Variants in PPP2R3A observed in about 807,000 individuals in gnomAD.
The protein encoded by PPP2R3A is protein phosphatase 2 regulatory subunit B''alpha.
PPP2R3A carries 80 observed loss-of-function variants against 106.9 expected under a neutral mutation model. The ratio of observed to expected loss-of-function variants is 0.75; its 90% CI spans 0.62 to 0.90. The LOEUF (loss-of-function observed/expected upper bound fraction) is 0.90. Among genes scored for constraint, PPP2R3A ranks in the 40% least tolerant of loss-of-function variants. The pLI, the probability that PPP2R3A is intolerant of heterozygous loss-of-function variation, is 0.00. For synonymous variants in PPP2R3A, 483 were observed against 468.3 expected, an observed-to-expected ratio of 1.03 and a Z score of -0.41; for missense variants, 1,386 against 1,350.4, an observed-to-expected ratio of 1.03 and a Z score of -0.41.
At chr3:135,968,083 A>G (rs887233641) in intron 1 of PPP2R3A, among the ~76,000 whole-genome samples, 1 of 152,176 alleles carries the variant, frequency 6.6e-6, no homozygotes, top group African/African-American at 2.4e-5. Flanking sequence ...CATTGTCCTC[A>G]TTTGCTTAGG....
Position 136,102,058 on chromosome 3 carries a change from C to A in PPP2R3A, c.2979C>A (p.Ser993=), listed in dbSNP as rs1937375073. The A allele has an allele frequency of 6.2e-7, 1 of 1,613,848 alleles. No individual in the cohort carries two copies. The highest frequency in any genetic ancestry group is 8.5e-7 in the Non-Finnish European group (1 of 1,179,958). The change falls in exon 11 of 14, where the codon TCC becomes TCA. Residue 993 remains serine, a synonymous_variant. Coordinates refer to ENST00000264977, the MANE Select transcript of PPP2R3A (RefSeq NM_002718.5). ...CMDVDGDGVL[S]MYELEYFYEE... Reference sequence around the variant, plus strand: ...ATGTGGATGGAGACGGTGTACTCTCCATGTATGAGCTGGAGTACTTCTATG... The same window carrying A: ...ATGTGGATGGAGACGGTGTACTCTCAATGTATGAGCTGGAGTACTTCTATG...
intron 10 of PPP2R3A, among the ~76,000 whole-genome samples, chr3:136,097,245 G>A (rs1218276963): frequency 2.0e-5 from 3 of 151,732 alleles, no homozygotes; most frequent in South Asian, 2.1e-4. Context: ...AGAGTATCCA[G>A]TACTTTCAAT....
In PPP2R3A at chr3:136,014,637, G is replaced by T. The variant is rs530380667; in HGVS notation, c.1995+11144G>T. 2.0e-5 allele frequency among the ~76,000 whole-genome samples: 3 copies of T among 152,168 alleles called. No homozygotes were observed. In the South Asian group the frequency reaches 6.2e-4, roughly 32 times the overall value. On this transcript the variant is annotated intron_variant, in intron 2 of 13. Coordinates refer to ENST00000264977, the MANE Select transcript of PPP2R3A (RefSeq NM_002718.5). ...TGATTTGATTCTCAGCTTGGTCTCA[G>T]TTGGTGTATAGCAGTGCTACTGATT...
intron 5 of PPP2R3A, among the ~76,000 whole-genome samples, chr3:136,062,440 G>A (rs916250224): frequency 3.9e-5 from 6 of 152,048 alleles, no homozygotes; most frequent in Non-Finnish European, 7.4e-5. Context: ...TGAGAATAAG[G>A]GGGCTGGGCA....
chr3:136,021,046 T>G (rs1934449255), intron 2 of PPP2R3A, among the ~76,000 whole-genome samples: 1 of 152,044 alleles, frequency 6.6e-6, no homozygotes, highest in African/African-American at 2.4e-5. Context: ...GGAATGAACC[T>G]ACTCACCTAC....
chr3:135,988,932 C>T (rs1273054994), intron 1 of PPP2R3A, among the ~76,000 whole-genome samples: 2 of 152,088 alleles, frequency 1.3e-5, no homozygotes, highest in Non-Finnish European at 2.9e-5. Context: ...CCATTAGTGA[C>T]GCCAAGTTTG....
intron 8 of PPP2R3A, among the ~76,000 whole-genome samples, chr3:136,087,245 GTC>G (rs34566151): frequency 0.12 from 9,087 of 74,724 alleles, 354 homozygotes; most frequent in Non-Finnish European, 0.14. Context: ...CTCTAGTCGT[GTC>G]TCTCTCTCTC....
At chr3:136,116,168 A>C (rs945727202) in intron 13 of PPP2R3A, among the ~76,000 whole-genome samples, 3 of 152,208 alleles carry the variant, frequency 2.0e-5, no homozygotes, top group South Asian at 4.1e-4. Context: ...AGAGAAATAA[A>C]ATCCTTTACA....
chr3:136,046,707 T>A (rs1935483122), intron 4 of PPP2R3A, among the ~76,000 whole-genome samples: 1 of 152,210 alleles, frequency 6.6e-6, no homozygotes, highest in Non-Finnish European at 1.5e-5. Context: ...CAGAGTGTGT[T>A]CTTACCTCCA....
intron 3 of PPP2R3A, among the ~76,000 whole-genome samples, chr3:136,036,347 CTCTGT>C (rs1389826499): frequency 3.3e-5 from 5 of 152,152 alleles, no homozygotes; most frequent in Non-Finnish European, 5.9e-5. Context: ...TATGGGTAGG[CTCTGT>C]CAGAGGAAAG....
chr3:136,130,008 C>A (rs1938340463), intron 13 of PPP2R3A, among the ~76,000 whole-genome samples: 1 of 152,118 alleles, frequency 6.6e-6, no homozygotes, highest in African/African-American at 2.4e-5. Flanking sequence ...ATTGATGGAA[C>A]ATAATCTCAA....
intron 2 of PPP2R3A, among the ~76,000 whole-genome samples, chr3:136,012,057 C>G (rs1158282742): frequency 1.3e-5 from 2 of 151,948 alleles, no homozygotes; most frequent in Non-Finnish European, 2.9e-5. Context: ...TTTATAGCAC[C>G]AGTCACCAGG....
intron 1 of PPP2R3A, among the ~76,000 whole-genome samples, chr3:135,997,742 C>T (rs1419497900): frequency 6.6e-6 from 1 of 152,208 alleles, no homozygotes; most frequent in South Asian, 2.1e-4. Flanking sequence ...TCCAAGATTC[C>T]TCCCTGTCAC....
Position 136,087,877 on chromosome 3 carries a change from A to T in PPP2R3A, c.2789-6A>T, listed in dbSNP as rs1185971325. On this transcript the variant is annotated splice_region_variant and splice_polypyrimidine_tract_variant and intron_variant, in intron 8 of 13. Coordinates refer to ENST00000264977, the MANE Select transcript of PPP2R3A (RefSeq NM_002718.5). ...GCTTTGCAATTTTTTTTTTATCTACATTTAGCTTCATCAAGCAGGATTATT... is the reference window on the plus strand; with the variant it reads ...GCTTTGCAATTTTTTTTTTATCTACTTTTAGCTTCATCAAGCAGGATTATT... 3 of 1,606,550 alleles carry T rather than the reference A, an allele frequency of 1.9e-6. No homozygotes were observed. Among genetic ancestry groups the T allele is most frequent in the African/African-American group, 1.3e-5 (1 of 74,644 alleles).
In PPP2R3A at chr3:136,040,861, C is replaced by T; in HGVS notation, c.2265C>T (p.Val755=). Residue 755 remains valine, a splice_region_variant and synonymous_variant, in exon 4 of 14, where the codon GTC becomes GTT. Coordinates refer to ENST00000264977, the MANE Select transcript of PPP2R3A (RefSeq NM_002718.5). ...CTGTATGTGTTTTCTATTTGCAGGT[C>T]TGTGGCTGTCCTCTCTATTGGAAAG... ...DIYEMGKIAK[V]CGCPLYWKAP... 6.2e-7 allele frequency: 1 copy of T among 1,611,196 alleles called. No homozygotes were observed. The highest frequency in any genetic ancestry group is 8.5e-7 in the Non-Finnish European group (1 of 1,178,810).
chr3:136,012,241 C>G (rs564636584), intron 2 of PPP2R3A, among the ~76,000 whole-genome samples: 4 of 152,136 alleles, frequency 2.6e-5, no homozygotes, highest in Non-Finnish European at 5.9e-5. Context: ...ACAGAGAACT[C>G]TAGACACTAG....
chr3:136,079,391 T>A (rs1050411985), intron 7 of PPP2R3A: 2 of 189,718 alleles, frequency 1.1e-5, no homozygotes, highest in African/African-American at 4.7e-5. Context: ...TTCTGAATCA[T>A]TTTTATAATC....
chr3:135,986,901 G>A (rs962803570), intron 1 of PPP2R3A, among the ~76,000 whole-genome samples: 5 of 151,966 alleles, frequency 3.3e-5, no homozygotes, highest in African/African-American at 9.7e-5. Context: ...TGTAAACATC[G>A]TAGTAAAACT....
intron 13 of PPP2R3A, among the ~76,000 whole-genome samples, chr3:136,142,769 T>C (rs1321488231): frequency 6.6e-6 from 1 of 152,230 alleles, no homozygotes; most frequent in Non-Finnish European, 1.5e-5. Context: ...ATTTACTGAA[T>C]GAGTCACACT....
Sources: allele counts gnomAD v4.1 joint callset (sites outside exome capture counted in the v4.1 genomes callset), GRCh38; gene constraint gnomAD v4.1.1; transcripts MANE v1.5; gene names NCBI Gene and HGNC (gene_info 2026-07-23, HGNC 2026-07-21).